Variants in GPR35 observed in about 807,000 individuals in gnomAD.
GPR35 encodes the protein G protein-coupled receptor 35.
For missense variants in GPR35, 372 were observed against 422.5 expected, an observed-to-expected ratio of 0.88 and a Z score of 1.05; for synonymous variants, 207 against 198.4, an observed-to-expected ratio of 1.04 and a Z score of -0.36.
At chr2:240,626,328 G>C (rs1575468788) in intron 1 of GPR35, among the ~76,000 whole-genome samples, 1 of 149,564 alleles carries the variant, frequency 6.7e-6, no homozygotes, top group East Asian at 2.0e-4. Flanking sequence ...AGGCTGTGAC[G>C]GGGTCTCAGA....
chr2:240,608,457 C>T (rs184596211), intron 2 of GPR35, among the ~76,000 whole-genome samples: 3 of 152,078 alleles, frequency 2.0e-5, no homozygotes, highest in East Asian at 1.9e-4. Flanking sequence ...TCTAGTTTGC[C>T]GAGAGTTTCT....
chr2:240,624,119 G>A (rs554729002), upstream of GPR35, among the ~76,000 whole-genome samples: 12 of 152,270 alleles, frequency 7.9e-5, no homozygotes, highest in East Asian at 1.9e-4. Flanking sequence ...GGGAGATGCC[G>A]TGCCCTGCAC....
chr2:240,619,520 G>A (rs1415480027), intron 5 of GPR35, among the ~76,000 whole-genome samples: 5 of 152,206 alleles, frequency 3.3e-5, no homozygotes, highest in Non-Finnish European at 7.3e-5. Flanking sequence ...GCTCCTGGGC[G>A]TGATTAAACT....
chr2:240,610,893 C>G (rs558772832), intron 2 of GPR35, among the ~76,000 whole-genome samples: 7 of 151,928 alleles, frequency 4.6e-5, no homozygotes, highest in African/African-American at 1.7e-4. Context: ...CTCGGCCACC[C>G]AAAGTGCTGG....
rs920836892 is a variant in GPR35, at chr2:240,631,118, C to G, written c.*236C>G. On this transcript the variant is annotated 3_prime_UTR_variant, in exon 2 of 2. Transcript: ENST00000407714. ...GAGCAAGGCCAATGTCAGAGACCCCCGGGATGGGGCCTCACACTTGCCACC... is the reference window on the plus strand; with the variant it reads ...GAGCAAGGCCAATGTCAGAGACCCCGGGGATGGGGCCTCACACTTGCCACC... 2 of 567,774 alleles carry G rather than the reference C, an allele frequency of 3.5e-6. No homozygotes were observed. The highest frequency in any genetic ancestry group is 4.7e-5 in the South Asian group (2 of 42,522). 35.2% of individuals were successfully genotyped at this position (567,774 alleles called of 1,614,324 possible). A position where few individuals can be genotyped will look rare whatever the true frequency, so the allele number is the denominator to read the frequency against.
intron 5 of GPR35, chr2:240,619,123 G>T: frequency 1.5e-6 from 1 of 652,484 alleles, no homozygotes; most frequent in Non-Finnish European, 2.8e-6. Context: ...CCTGCCTGGG[G>T]GTTTGTGCCA....
At chr2:240,623,153 A>T (rs930517491), upstream of GPR35, among the ~76,000 whole-genome samples, 1 of 152,172 alleles carries the variant, frequency 6.6e-6, no homozygotes, top group Non-Finnish European at 1.5e-5. Flanking sequence ...GCGGTCGTCG[A>T]GCTTCACAGA....
intron 5 of GPR35, among the ~76,000 whole-genome samples, chr2:240,619,517 G>A (rs892859137): frequency 6.6e-6 from 1 of 152,168 alleles, no homozygotes; most frequent in African/African-American, 2.4e-5. Flanking sequence ...GTGGCTCCTG[G>A]GCGTGATTAA....
At chr2:240,622,135 C>A (rs936371078), upstream of GPR35, among the ~76,000 whole-genome samples, 2 of 152,180 alleles carry the variant, frequency 1.3e-5, no homozygotes, top group African/African-American at 4.8e-5. Flanking sequence ...CCACCTTGGC[C>A]TCCCAAAGTG....
intron 2 of GPR35, among the ~76,000 whole-genome samples, chr2:240,613,454 C>G (rs1316645067): frequency 6.6e-6 from 1 of 152,000 alleles, no homozygotes; most frequent in Non-Finnish European, 1.5e-5. Flanking sequence ...TCATGTGGAC[C>G]CCAACCCTAA....
chr2:240,611,387 G>A (rs2043181696), intron 2 of GPR35, among the ~76,000 whole-genome samples: 1 of 152,154 alleles, frequency 6.6e-6, no homozygotes, highest in East Asian at 1.9e-4. Context: ...TCTGTTCTTT[G>A]TACTCATTTT....
At chr2:240,614,968 ATATG>A (rs1234372422) in intron 2 of GPR35, among the ~76,000 whole-genome samples, 2 of 151,706 alleles carry the variant, frequency 1.3e-5, no homozygotes, top group Non-Finnish European at 2.9e-5. Flanking sequence ...GTGTATTTGT[ATATG>A]TATCTATGTG....
At chr2:240,623,132 G>A (rs1033070865), upstream of GPR35, among the ~76,000 whole-genome samples, 21 of 152,366 alleles carry the variant, frequency 1.4e-4, no homozygotes, top group African/African-American at 2.2e-4. Flanking sequence ...GGCCGGAGTC[G>A]CTGTGGGTGA....
upstream of GPR35, among the ~76,000 whole-genome samples, chr2:240,622,824 G>C (rs1361806163): frequency 6.6e-6 from 1 of 152,224 alleles, no homozygotes; most frequent in African/African-American, 2.4e-5. Flanking sequence ...GCCTCGGAGA[G>C]GAAGCTGCCC....
upstream of GPR35, among the ~76,000 whole-genome samples, chr2:240,624,483 A>G (rs2043346132): frequency 6.6e-6 from 1 of 152,232 alleles, no homozygotes. Flanking sequence ...CTCTGGGTAG[A>G]GAGCCCTGGT....
chr2:240,623,864 C>T (rs1229474067), upstream of GPR35, among the ~76,000 whole-genome samples: 1 of 152,218 alleles, frequency 6.6e-6, no homozygotes, highest in Non-Finnish European at 1.5e-5. Context: ...CCCAGTGGGG[C>T]TTCCCTTCCA....
At chr2:240,608,581 T>C (rs1237790117) in intron 2 of GPR35, among the ~76,000 whole-genome samples, 1 of 152,242 alleles carries the variant, frequency 6.6e-6, no homozygotes, top group Non-Finnish European at 1.5e-5. Flanking sequence ...ATAAACCTTT[T>C]ATTTCTTGCA....
At chr2:240,613,454 C>T (rs1316645067) in intron 2 of GPR35, among the ~76,000 whole-genome samples, 1 of 152,118 alleles carries the variant, frequency 6.6e-6, no homozygotes, top group East Asian at 1.9e-4. Flanking sequence ...TCATGTGGAC[C>T]CCAACCCTAA....
chr2:240,621,380 G>A (rs1472090454), upstream of GPR35, among the ~76,000 whole-genome samples: 5 of 152,060 alleles, frequency 3.3e-5, no homozygotes, highest in East Asian at 1.9e-4. Flanking sequence ...TCAGCTTCCC[G>A]AGTAGCTGGG....
Sources: gnomAD v4.1 joint callset for allele counts (sites outside exome capture counted in the v4.1 genomes callset) on GRCh38, gnomAD v4.1.1 for gene constraint, MANE v1.5 for transcripts, NCBI Gene and HGNC (gene_info 2026-07-23, HGNC 2026-07-21) for gene names.